CSPP1: variants seen among roughly 807,000 people sequenced by gnomAD.
CSPP1 encodes centrosome and spindle pole-associated protein 1.
In CSPP1, 126 loss-of-function variants were observed where a neutral mutation model predicts 164.4. That is an observed-to-expected ratio of 0.77 (90% confidence interval 0.66 to 0.89). The LOEUF (loss-of-function observed/expected upper bound fraction) is 0.89, where lower values mean the gene tolerates loss of function less well. Ranked by LOEUF, CSPP1 falls within the 40% of genes least tolerant of loss-of-function variation. The probability of loss-of-function intolerance (pLI) is 0.00; values close to 1 mark genes in which losing one functional copy is unlikely to be tolerated. For synonymous variants in CSPP1, 472 were observed against 476.7 expected, an observed-to-expected ratio of 0.99 and a Z score of 0.13; for missense variants, 1,395 against 1,449.8, an observed-to-expected ratio of 0.96 and a Z score of 0.61.
Position 67,064,519 on chromosome 8 carries a change from T to G in CSPP1, c.-30T>G, listed in dbSNP as rs114350375. The G allele has an allele frequency of 1.6e-5, 26 of 1,611,838 alleles. No individual in the cohort carries two copies. The highest frequency in any genetic ancestry group is 2.7e-5 in the African/African-American group (2 of 74,946). On this transcript the variant is annotated 5_prime_UTR_variant, in exon 1 of 31. It removes an upstream start codon present in the reference 5' UTR. Coordinates refer to ENST00000678616, the MANE Select transcript of CSPP1 (RefSeq NM_001382391.1). ...TGAGTAAGAGTCAGCCAGCCGCGGA[T>G]GGGGAGCGTGAGTGGCGAGGTGTGG...
rs972940851 is a variant in CSPP1, at chr8:67,193,502, T to C, written c.3369T>C (p.Ser1123=). 1.9e-6 allele frequency: 3 copies of C among 1,613,348 alleles called. No homozygotes were observed. Residue 1123 remains serine (S), a synonymous_variant, in exon 30 of 31, where the codon TCT becomes TCC. Coordinates refer to ENST00000678616, the MANE Select transcript of CSPP1 (RefSeq NM_001382391.1). The part of the protein sequence containing the change: ...SRPNVAPDGL[S]LKSISSVNVD... ...CTAATGTAGCACCAGATGGTCTCTC[T>C]CTAAAATCTATATCCAGTGTAAATG...
intron 13 of CSPP1, 75 bp from the exon 14 acceptor site, chr8:67,118,171 CAA>C: frequency 6.7e-7 from 1 of 1,483,562 alleles, no homozygotes; most frequent in East Asian, 2.3e-5. Context: ...ACTGTTTTTG[CAA>C]AAGAGTAACA....
chr8:67,104,337 C>T (rs1249283482), intron 8 of CSPP1, among the ~76,000 whole-genome samples: 1 of 149,938 alleles, frequency 6.7e-6, no homozygotes, highest in African/African-American at 2.5e-5. Context: ...TATTATAGCT[C>T]ACTGAAACCT....
At position 67,074,423 on chromosome 8, in the gene CSPP1, A is replaced by T; in HGVS notation, c.99+72A>T. The stretch of plus-strand genomic sequence containing the variant: ...TGGAGATTACTCCTGTGTAAATACA[A>T]AACATCCTCTTCTATGAGTGAGAAT... On this transcript the variant is annotated intron_variant, in intron 2 of 30. Coordinates refer to ENST00000678616, the MANE Select transcript of CSPP1 (RefSeq NM_001382391.1). 4 of 855,238 alleles carry T rather than the reference A, an allele frequency of 4.7e-6. No homozygotes were observed. The South Asian group carries it at 7.1e-5, about 15-fold the overall frequency. The allele number at this position is 855,238 out of a possible 1,614,324, so 53.0% of individuals were successfully genotyped here. A position where few individuals can be genotyped will look rare whatever the true frequency, so the allele number is the denominator to read the frequency against.
At chr8:67,095,877 T>A in intron 7 of CSPP1, 145 bp downstream of exon 7, 1 of 596,820 alleles carries the variant, frequency 1.7e-6, no homozygotes, top group South Asian at 2.3e-5. Context: ...AGTTTTAAGA[T>A]GCATCATTAT....
intron 3 of CSPP1, 125 bp from the exon 4 acceptor site, chr8:67,085,882 C>G (rs1810292752): frequency 1.6e-6 from 1 of 606,496 alleles, no homozygotes; most frequent in South Asian, 2.0e-5. Context: ...AAGTAAAAAA[C>G]TTACCCTAAT....
At chr8:67,076,623 A>G in intron 3 of CSPP1, 42 bp downstream of exon 3, 1 of 1,075,214 alleles carries the variant, frequency 9.3e-7, no homozygotes, top group Non-Finnish European at 1.4e-6. Flanking sequence ...AGATATCCTT[A>G]GTGGGCTCTT....
chr8:67,078,051 G>A (rs186847054), intron 3 of CSPP1, among the ~76,000 whole-genome samples: 142 of 152,000 alleles, frequency 9.3e-4, no homozygotes, highest in Middle Eastern at 6.8e-3. Flanking sequence ...CCAGCCCTAC[G>A]TTTTTATGAA....
intron 29 of CSPP1, among the ~76,000 whole-genome samples, chr8:67,192,862 T>C (rs1027138536): frequency 2.0e-5 from 3 of 152,344 alleles, no homozygotes; most frequent in South Asian, 4.1e-4. Context: ...TCTTTTCTTA[T>C]GTCAGTACCA....
chr8:67,072,055 G>A (rs562389908), intron 1 of CSPP1, among the ~76,000 whole-genome samples: 1 of 152,318 alleles, frequency 6.6e-6, no homozygotes, highest in East Asian at 1.9e-4. Context: ...GGCCAAGGCA[G>A]GTGGATCACA....
chr8:67,139,235 T>C (rs1413328745), intron 17 of CSPP1, among the ~76,000 whole-genome samples: 1 of 152,054 alleles, frequency 6.6e-6, no homozygotes, highest in Non-Finnish European at 1.5e-5. Context: ...AACAGACACA[T>C]GAAAAAATGC....
At chr8:67,112,234 GTTT>G (rs375921547) in intron 10 of CSPP1, among the ~76,000 whole-genome samples, 169 bp downstream of exon 10, 2 of 123,080 alleles carry the variant, frequency 1.6e-5, no homozygotes, top group East Asian at 2.5e-4. Context: ...TACTAAGAGA[GTTT>G]TTTTTTTTTT....
chr8:67,066,729 A>G (rs573869483), intron 1 of CSPP1, among the ~76,000 whole-genome samples: 18 of 152,148 alleles, frequency 1.2e-4, no homozygotes, highest in Admixed American at 3.9e-4. Context: ...TCATGTTTAT[A>G]TATATACATA....
chr8:67,078,614 G>A (rs1282587156), intron 3 of CSPP1, among the ~76,000 whole-genome samples: 1 of 152,040 alleles, frequency 6.6e-6, no homozygotes, highest in Non-Finnish European at 1.5e-5. Flanking sequence ...GCCTGCCTCG[G>A]CCTCCCAAAG....
chr8:67,088,202 G>A (rs944058168), intron 4 of CSPP1, among the ~76,000 whole-genome samples: 12 of 152,054 alleles, frequency 7.9e-5, no homozygotes, highest in African/African-American at 2.7e-4. Context: ...ATAGTGGTGG[G>A]GGACATGAGA....
intron 16 of CSPP1, 105 bp downstream of exon 16, chr8:67,132,185 A>T: frequency 8.8e-7 from 1 of 1,139,924 alleles, no homozygotes; most frequent in Non-Finnish European, 1.2e-6. Flanking sequence ...ACAGTTAATT[A>T]TAATTCAAAA....
At chr8:67,118,495 T>G in intron 14 of CSPP1, 126 bp downstream of exon 14, 1 of 960,690 alleles carries the variant, frequency 1.0e-6, no homozygotes, top group Non-Finnish European at 1.6e-6. Flanking sequence ...TGTTATATAT[T>G]GATTTAATAA....
At chr8:67,111,911 C>A (rs957025925) in intron 9 of CSPP1, 61 bp from the exon 10 acceptor site, 2 of 1,025,388 alleles carry the variant, frequency 2.0e-6, no homozygotes, top group Non-Finnish European at 2.9e-6. Flanking sequence ...AAGGACTTAA[C>A]TTTCTAATTG....
At chr8:67,158,859 A>G in intron 20 of CSPP1, 132 bp from the exon 21 acceptor site, 1 of 933,378 alleles carries the variant, frequency 1.1e-6, no homozygotes, top group Non-Finnish European at 1.6e-6. Flanking sequence ...TAAGCAGACA[A>G]CTTATGTTAA....
Sources: gnomAD v4.1 joint callset for allele counts (sites outside exome capture counted in the v4.1 genomes callset) on GRCh38, gnomAD v4.1.1 for gene constraint, MANE v1.5 for transcripts, NCBI Gene and HGNC (gene_info 2026-07-23, HGNC 2026-07-21) for gene names.